The following PRIM2 variants were observed in gnomAD, a reference collection of about 807,000 sequenced individuals.
The protein encoded by PRIM2 is DNA primase large subunit.
Under a neutral mutation model 67.3 loss-of-function variants are expected in PRIM2, and 39 were observed. The observed-to-expected ratio is 0.58, with a 90% CI of 0.45 to 0.76. The LOEUF (loss-of-function observed/expected upper bound fraction) is 0.76, where lower values mean the gene tolerates loss of function less well. Among genes scored for constraint, PRIM2 ranks in the 30% least tolerant of loss-of-function variants. PRIM2 has a pLI of 0.00. For missense variants in PRIM2, 398 were observed against 598.7 expected (o/e 0.66, Z 3.50); for synonymous variants, 143 against 198.7 (o/e 0.72, Z 2.36).
At chr6:57,362,675 C>T (rs1769239844) in intron 5 of PRIM2, among the ~76,000 whole-genome samples, 1 of 151,012 alleles carries the variant, frequency 6.6e-6, no homozygotes, top group Admixed American at 6.6e-5. Context: ...AGGGAAATTA[C>T]TTCCTTTTTT....
At chr6:57,506,145 A>C (rs1774246333) in intron 7 of PRIM2, among the ~76,000 whole-genome samples, 1 of 110,406 alleles carries the variant, frequency 9.1e-6, no homozygotes, top group African/African-American at 4.6e-5. Context: ...AATACTTAGT[A>C]TTTTTCAGGG....
chr6:57,574,647 A>G (rs1317399454), intron 10 of PRIM2, among the ~76,000 whole-genome samples: 1 of 151,232 alleles, frequency 6.6e-6, no homozygotes, highest in Non-Finnish European at 1.5e-5. Context: ...CCTGTAATGC[A>G]CTAGCCAGGA....
chr6:57,402,209 G>T (rs1770735388), intron 7 of PRIM2, among the ~76,000 whole-genome samples: 1 of 152,228 alleles, frequency 6.6e-6, no homozygotes, highest in African/African-American at 2.4e-5. Flanking sequence ...CAACAGTGAA[G>T]ACTGTGAAAC....
intron 13 of PRIM2, among the ~76,000 whole-genome samples, chr6:57,633,216 T>A (rs1254322175): frequency 2.0e-5 from 3 of 152,204 alleles, no homozygotes; most frequent in African/African-American, 7.2e-5. Context: ...TGGCCCCTAG[T>A]TTGCATCCAC....
chr6:57,414,667 T>G (rs1771201083), intron 7 of PRIM2, among the ~76,000 whole-genome samples: 1 of 152,150 alleles, frequency 6.6e-6, no homozygotes, highest in Admixed American at 6.5e-5. Flanking sequence ...GAAACATTGC[T>G]TCTTAATTAT....
chr6:57,296,634 G>A, the PRIM2 span, among the ~76,000 whole-genome samples: 1 of 151,752 alleles, frequency 6.6e-6, no homozygotes, highest in Non-Finnish European at 1.5e-5. Context: ...GTGGTGGTAG[G>A]GGAGCAGTAG....
chr6:57,228,162 C>T, the PRIM2 span, among the ~76,000 whole-genome samples: 1 of 152,088 alleles, frequency 6.6e-6, no homozygotes, highest in Admixed American at 6.5e-5. Context: ...AGAAAGAAGC[C>T]TCAGATGGTG....
At chr6:57,565,540 T>C (rs1341689789) in intron 10 of PRIM2, among the ~76,000 whole-genome samples, 2 of 151,774 alleles carry the variant, frequency 1.3e-5, no homozygotes, top group Non-Finnish European at 2.9e-5. Context: ...TCTCAGCTCA[T>C]GTGGTCAGGC....
chr6:57,362,572 T>C (rs1176589165), intron 5 of PRIM2, among the ~76,000 whole-genome samples: 1 of 152,134 alleles, frequency 6.6e-6, no homozygotes, highest in Non-Finnish European at 1.5e-5. Flanking sequence ...CTTTCAATGA[T>C]CTTGAAAATG....
chr6:57,576,715 T>C (rs1775969755), intron 10 of PRIM2, among the ~76,000 whole-genome samples: 1 of 151,282 alleles, frequency 6.6e-6, no homozygotes, highest in African/African-American at 2.4e-5. Context: ...TCTATAGGGT[T>C]TGATATGCTG....
chr6:57,418,792 G>C (rs1771367386), intron 7 of PRIM2, among the ~76,000 whole-genome samples: 1 of 152,102 alleles, frequency 6.6e-6, no homozygotes, highest in East Asian at 1.9e-4. Context: ...TTAGGAAATA[G>C]CTTTCATGTT....
At chr6:57,260,921 G>A in the PRIM2 span, among the ~76,000 whole-genome samples, 3 of 152,158 alleles carry the variant, frequency 2.0e-5, no homozygotes, top group East Asian at 5.8e-4. Context: ...GATCTCCAGG[G>A]GTATGAAGGG....
chr6:57,426,260 C>T (rs1771621374), intron 7 of PRIM2, among the ~76,000 whole-genome samples: 1 of 152,148 alleles, frequency 6.6e-6, no homozygotes, highest in Admixed American at 6.5e-5. Context: ...CTCTCCGTCC[C>T]AAGCAACCAC....
rs1405945147 is a variant in PRIM2 at position 57,594,845 on chromosome 6, T to A, written c.1021-6248T>A. Reference sequence around the variant, plus strand: ...TGCTCATCAGAAGATAACATCAAGTTGATAAGCCTTTGTTACAATTACATT... The same window carrying A: ...TGCTCATCAGAAGATAACATCAAGTAGATAAGCCTTTGTTACAATTACATT... On this transcript the variant is annotated intron_variant, in intron 10 of 13. Coordinates refer to ENST00000615550, the MANE Select transcript of PRIM2 (RefSeq NM_000947.5). 2.6e-5 allele frequency among the ~76,000 whole-genome samples: 4 copies of A among 152,350 alleles called. No homozygotes were observed. In the East Asian group the frequency reaches 7.7e-4, roughly 29 times the overall value.
chr6:57,549,077 T>C (rs1306993367), intron 10 of PRIM2, among the ~76,000 whole-genome samples: 3 of 152,186 alleles, frequency 2.0e-5, no homozygotes, highest in African/African-American at 4.8e-5. Context: ...AGTTTACTAA[T>C]GAAAAAACAG....
At chr6:57,292,577 T>C in the PRIM2 span, among the ~76,000 whole-genome samples, 4 of 152,146 alleles carry the variant, frequency 2.6e-5, no homozygotes, top group Non-Finnish European at 4.4e-5. Context: ...GGAGGCATCA[T>C]GCTACCTGAC....
intron 7 of PRIM2, among the ~76,000 whole-genome samples, chr6:57,487,314 G>A (rs1418796298): frequency 2.6e-5 from 4 of 151,990 alleles, no homozygotes; most frequent in Non-Finnish European, 5.9e-5. Context: ...ACTGCAACCC[G>A]GGCCTCCCAG....
intron 7 of PRIM2, among the ~76,000 whole-genome samples, chr6:57,491,727 G>C (rs1773896361): frequency 6.6e-6 from 1 of 152,112 alleles, no homozygotes; most frequent in African/African-American, 2.4e-5. Context: ...GAACATTTAG[G>C]CTCACAGGCA....
chr6:57,359,649 T>C (rs1183936870), intron 5 of PRIM2, among the ~76,000 whole-genome samples: 1 of 152,142 alleles, frequency 6.6e-6, no homozygotes, highest in Non-Finnish European at 1.5e-5. Context: ...GAGCTGAAAA[T>C]AGCAATCAGT....
Sources: allele counts gnomAD v4.1 joint callset (sites outside exome capture counted in the v4.1 genomes callset), GRCh38; gene constraint gnomAD v4.1.1; transcripts MANE v1.5; gene names NCBI Gene and HGNC (gene_info 2026-07-23, HGNC 2026-07-21).